The following SPHK1 variants were observed in gnomAD, a reference collection of about 807,000 sequenced individuals.
SPHK1 encodes the protein sphingosine kinase 1, also known as SK 1.
In SPHK1, 10 loss-of-function variants were observed where a neutral mutation model predicts 14.6. The ratio of observed to expected loss-of-function variants is 0.68; its 90% CI spans 0.42 to 1.16. The LOEUF (loss-of-function observed/expected upper bound fraction) is 1.16. Ranked by LOEUF, SPHK1 falls within the 50% of genes most tolerant of loss-of-function variation. The pLI, the probability that SPHK1 is intolerant of heterozygous loss-of-function variation, is 0.00. For synonymous variants in SPHK1, 274 were observed against 224.0 expected (o/e 1.22, Z -1.99); for missense variants, 553 against 525.4 (o/e 1.05, Z -0.51).
chr17:76,386,638 C>A lies in SPHK1; in HGVS notation c.374+130C>A. 8.7e-7 allele frequency: 1 copy of A among 1,150,394 alleles called. No individual in the cohort carries two copies. Among genetic ancestry groups the A allele is most frequent in the Non-Finnish European group, 1.2e-6 (1 of 823,866 alleles). 71.3% of individuals were successfully genotyped at this position (1,150,394 alleles called of 1,614,324 possible). A position where few individuals can be genotyped will look rare whatever the true frequency, so the allele number is the denominator to read the frequency against. On this transcript the variant is annotated intron_variant, in intron 5 of 5. Transcript: ENST00000592299. This position sits in a 1 kb window ranked among gnomAD's most constrained non-coding sequence, Gnocchi z 5.3. The stretch of plus-strand genomic sequence containing the variant: ...TTCTCCCTTAGTCCTGGGGCCCTCT[C>A]CTGGTGACCCCAGCTGACTGCTTCC...
upstream of SPHK1, chr17:76,384,274 A>G (rs1284708438): frequency 1.3e-5 from 2 of 151,748 alleles, no homozygotes; most frequent in African/African-American, 4.8e-5. Flanking sequence ...GTTCGCGCGG[A>G]GCCCGCGCCT....
rs763561434 is a variant in SPHK1, at chr17:76,386,324, C to A, written c.258+9C>A. On this transcript the variant is annotated intron_variant, in intron 4 of 5. Coordinates refer to ENST00000592299, the MANE Select transcript of SPHK1 (RefSeq NM_001142601.2). The surrounding 1 kb of genome is among the most constrained non-coding windows in gnomAD (Gnocchi z 5.3). ...ACGGGCTGATGCACGAGGTGAGGAC[C>A]GCACTGCGCGGCTAGGCCTGGGGCT... 3.1e-6 allele frequency: 5 copies of A among 1,605,472 alleles called. No individual in the cohort carries two copies. Among genetic ancestry groups the A allele is most frequent in the South Asian group, 1.1e-5 (1 of 90,856 alleles).
chr17:76,387,153 T>G lies in SPHK1; in HGVS notation c.722T>G (p.Leu241Arg), dbSNP rs1598570788. The change falls in exon 6 of 6, where the codon CTG becomes CGG. Residue 241 changes from leucine (L) to arginine (R), a missense_variant. Leu to Arg is a moderately radical substitution (Grantham distance 102, BLOSUM62 -2). Transcript: ENST00000592299. The surrounding 1 kb of genome is among the most constrained non-coding windows in gnomAD (Gnocchi z 4.1). ...QGPVDAHLVP[L>R]EEPVPSHWTV... ...CCGGTAGATGCACACCTTGTGCCAC[T>G]GGAGGAGCCAGTGCCCTCTCACTGG... The G allele has an allele frequency of 6.2e-7, 1 of 1,613,184 alleles. No homozygotes were observed. Among genetic ancestry groups the G allele is most frequent in the Non-Finnish European group, 8.5e-7 (1 of 1,180,006 alleles).
rs1567823465 is a variant in SPHK1 at position 76,386,495 on chromosome 17, A to G, written c.361A>G (p.Asn121Asp). 20 of 1,612,206 alleles carry G rather than the reference A, an allele frequency of 1.2e-5. No individual in the cohort carries two copies. In the East Asian group the frequency reaches 4.5e-4, roughly 36 times the overall value. The change falls in exon 5 of 6, where the codon AAC (asparagine) becomes GAC (aspartate). Residue 121 changes from asparagine (N) to aspartate (D), a missense_variant. By Grantham distance (23) the Asn-to-Asp change is conservative. Coordinates refer to ENST00000592299, the MANE Select transcript of SPHK1 (RefSeq NM_001142601.2). This position sits in a 1 kb window ranked among gnomAD's most constrained non-coding sequence, Gnocchi z 5.3. The stretch of plus-strand genomic sequence containing the variant: ...TGGCAACGCGCTGGCAGCTTCCTTG[A>G]ACCATTATGCTGGGTGAGAGCCCAG... ...GSGNALAASL[N>D]HYAGYEQVTN... is the part of the protein sequence containing the mutation.
Position 76,385,991 on chromosome 17 carries a change from G to C in SPHK1, c.17G>C (p.Gly6Ala). MDPAGGPRGVLPRPCR... is the reference protein window; with the variant it reads MDPAGAPRGVLPRPCR... ...TTTGGTTTTGTTTTCTCAGCGGGCG[G>C]CCCCCGGGGCGTGCTCCCGCGGCCC... Residue 6 changes from glycine (G) to alanine (A), a missense_variant, in exon 3 of 6, where the codon GGC (glycine) becomes GCC (alanine). Physicochemically the swap from Gly to Ala is moderately conservative, Grantham distance 60. Transcript: ENST00000592299. The surrounding 1 kb of genome is among the most constrained non-coding windows in gnomAD (Gnocchi z 5.3). 1 of 1,598,152 alleles carries C rather than the reference G, an allele frequency of 6.3e-7. No individual in the cohort carries two copies. The highest frequency in any genetic ancestry group is 8.5e-7 in the Non-Finnish European group (1 of 1,171,502).
rs145016605 is a variant in SPHK1, at chr17:76,386,856, T to C, written c.425T>C (p.Leu142Pro). ...CTCCTGACCAACTGCACGCTATTGC[T>C]GTGCCGCCGGCTGCTGTCACCCATG... ...EDLLTNCTLL[L>P]CRRLLSPMNL... The change falls in exon 6 of 6, where the codon CTG (leucine) becomes CCG (proline). Residue 142 changes from leucine to proline, a missense_variant. By Grantham distance (98) the Leu-to-Pro change is moderately conservative (BLOSUM62 -3). Coordinates refer to ENST00000592299, the MANE Select transcript of SPHK1 (RefSeq NM_001142601.2). This position sits in a 1 kb window ranked among gnomAD's most constrained non-coding sequence, Gnocchi z 5.3. 8 of 1,595,738 alleles carry C rather than the reference T, an allele frequency of 5.0e-6. No individual in the cohort carries two copies. The highest frequency in any genetic ancestry group is 6.8e-6 in the Non-Finnish European group (8 of 1,169,614).
In SPHK1 at chr17:76,387,431, G is replaced by A; in HGVS notation, c.1000G>A (p.Gly334Arg). 7 of 1,613,858 alleles carry A rather than the reference G, an allele frequency of 4.3e-6. No homozygotes were observed. Among genetic ancestry groups the A allele is most frequent in the Admixed American group, 1.7e-5 (1 of 59,996 alleles). Reference protein sequence around the residue: ...VVAFRLEPKDGKGVFAVDGEL... With the variant: ...VVAFRLEPKDRKGVFAVDGEL... The stretch of plus-strand genomic sequence containing the variant: ...CGCCTTCCGCTTGGAGCCCAAGGAT[G>A]GGAAAGGTGTGTTTGCAGTGGATGG... The change falls in exon 6 of 6, where the codon GGG (glycine) becomes AGG (arginine). Residue 334 changes from glycine (G) to arginine (R), a missense_variant. Coordinates refer to ENST00000592299, the MANE Select transcript of SPHK1 (RefSeq NM_001142601.2). This position sits in a 1 kb window ranked among gnomAD's most constrained non-coding sequence, Gnocchi z 4.1.
At chr17:76,383,374 A>T (rs547739734), upstream of SPHK1, 10 of 154,678 alleles carry the variant, frequency 6.5e-5, no homozygotes, top group South Asian at 1.7e-3. Context: ...CGCCCGTCTG[A>T]CCCCCCAAGT....
In SPHK1 at chr17:76,386,955, C is replaced by G; in HGVS notation, c.524C>G (p.Ala175Gly). The G allele has an allele frequency of 6.2e-7, 1 of 1,613,462 alleles. No homozygotes were observed. Among genetic ancestry groups the G allele is most frequent in the Non-Finnish European group, 8.5e-7 (1 of 1,179,810 alleles). ...CTCAGCCTGGCCTGGGGCTTCATTG[C>G]TGATGTGGACCTAGAGAGTGAGAAG... ...SVLSLAWGFIADVDLESEKYR... is the reference protein window; with the variant it reads ...SVLSLAWGFIGDVDLESEKYR... The change falls in exon 6 of 6, where the codon GCT (alanine) becomes GGT (glycine). Residue 175 changes from alanine (A) to glycine (G), a missense_variant. Coordinates refer to ENST00000592299, the MANE Select transcript of SPHK1 (RefSeq NM_001142601.2). This position sits in a 1 kb window ranked among gnomAD's most constrained non-coding sequence, Gnocchi z 5.3.
rs1013758187 is a variant in SPHK1 at position 76,385,048 on chromosome 17, G to T, written c.-195+242G>T. ...CACCGCTCTGGAGCTCCGGGCAGGG[G>T]ACACGGCAACCTGGATGGCTGGGGC... is the stretch of plus-strand genomic sequence containing the variant. On this transcript the variant is annotated intron_variant, in intron 1 of 5. Transcript: ENST00000592299. The surrounding 1 kb of genome is among the most constrained non-coding windows in gnomAD (Gnocchi z 5.3). 1.4e-5 allele frequency: 22 copies of T among 1,534,388 alleles called. No homozygotes were observed. In the Admixed American group the frequency reaches 3.6e-4, roughly 25 times the overall value.
At chr17:76,383,889 T>C (rs1021791700), upstream of SPHK1, 1 of 1,262,220 alleles carries the variant, frequency 7.9e-7, no homozygotes, top group Non-Finnish European at 1.0e-6. Context: ...CCCAGGCCCA[T>C]CTACACTGTC....
rs767306035 is a variant in SPHK1 at position 76,385,528 on chromosome 17, C to T, written c.-117C>T. The T allele has an allele frequency of 9.7e-6, 15 of 1,540,308 alleles. No homozygotes were observed. In the East Asian group the frequency reaches 1.4e-4, roughly 15 times the overall value. Reference sequence around the variant, plus strand: ...CGGGGAAGGCGAGCCCCACAGCCGGCCCTGCGACGCCCGCCTGGGCAGCAC... The same window carrying T: ...CGGGGAAGGCGAGCCCCACAGCCGGTCCTGCGACGCCCGCCTGGGCAGCAC... On this transcript the variant is annotated 5_prime_UTR_variant, in exon 2 of 6. Transcript: ENST00000592299. The surrounding 1 kb of genome is among the most constrained non-coding windows in gnomAD (Gnocchi z 5.3).
chr17:76,384,920 G>A, intron 1 of SPHK1, 114 bp downstream of exon 1: 2 of 566,268 alleles, frequency 3.5e-6, no homozygotes, highest in Non-Finnish European at 5.8e-6. Context: ...GGCAGCTGGT[G>A]GCCCGGTTCG....
chr17:76,387,348 TGGA>T lies in SPHK1; in HGVS notation c.919_921del (p.Glu307del), dbSNP rs1020091445. ...ATGCTGCTGCGCCTCTTCCTGGCCA[TGGA>T]GAAGGGCAGGCATATGGAGTATGAA... On this transcript the variant is annotated inframe_deletion, in exon 6 of 6. Coordinates refer to ENST00000592299, the MANE Select transcript of SPHK1 (RefSeq NM_001142601.2). This position sits in a 1 kb window ranked among gnomAD's most constrained non-coding sequence, Gnocchi z 4.1. 3 of 1,613,598 alleles carry T rather than the reference TGGA, an allele frequency of 1.9e-6. No homozygotes were observed. Among genetic ancestry groups the T allele is most frequent in the Non-Finnish European group, 2.5e-6 (3 of 1,179,994 alleles).
chr17:76,386,312 CG>C lies in SPHK1; in HGVS notation c.256del (p.Glu86ArgfsTer3). 1 of 1,605,452 alleles carries C rather than the reference CG, an allele frequency of 6.2e-7. No homozygotes were observed. Among genetic ancestry groups the C allele is most frequent in the Non-Finnish European group, 8.5e-7 (1 of 1,179,136 alleles). ...VVMSGDGLMH[E>X]VVNGLMERPD... is the part of the protein sequence containing the mutation. ...TCATGTCTGGAGACGGGCTGATGCA[CG>C]AGGTGAGGACCGCACTGCGCGGCTA... On this transcript the variant is annotated frameshift_variant and splice_region_variant, in exon 4 of 6. Coordinates refer to ENST00000592299, the MANE Select transcript of SPHK1 (RefSeq NM_001142601.2). LOFTEE classifies it high-confidence loss of function. The surrounding 1 kb of genome is among the most constrained non-coding windows in gnomAD (Gnocchi z 5.3).
chr17:76,385,716 G>A lies in SPHK1; in HGVS notation c.10+62G>A, dbSNP rs75167000. On this transcript the variant is annotated intron_variant, in intron 2 of 5. Coordinates refer to ENST00000592299, the MANE Select transcript of SPHK1 (RefSeq NM_001142601.2). The surrounding 1 kb of genome is among the most constrained non-coding windows in gnomAD (Gnocchi z 5.3). The stretch of plus-strand genomic sequence containing the variant: ...ATTCCTGTTCCTCGCCAGGAATGAT[G>A]GAACGCCCAGCTGGACGAAAGGGGC... 2.1e-3 allele frequency: 3,175 copies of A among 1,483,766 alleles called. 56 individuals are homozygous for A. In the African/African-American group the frequency reaches 0.037, roughly 17 times the overall value. The allele number at this position is 1,483,766 out of a possible 1,614,324, so 91.9% of individuals were successfully genotyped here.
chr17:76,386,458 C>G lies in SPHK1; in HGVS notation c.324C>G (p.Leu108=). The G allele has an allele frequency of 1.2e-6, 2 of 1,613,066 alleles. No homozygotes were observed. The highest frequency in any genetic ancestry group is 1.7e-6 in the Non-Finnish European group (2 of 1,179,974). The stretch of plus-strand genomic sequence containing the variant: ...CCATCCAGAAGCCCCTGTGTAGCCT[C>G]CCAGCAGGCTCTGGCAACGCGCTGG... ...ETAIQKPLCS[L]PAGSGNALAA... Residue 108 remains leucine, a synonymous_variant, in exon 5 of 6, where the codon CTC becomes CTG. Transcript: ENST00000592299. The surrounding 1 kb of genome is among the most constrained non-coding windows in gnomAD (Gnocchi z 5.3).
At position 76,385,589 on chromosome 17, in the gene SPHK1, G is replaced by T; in HGVS notation, c.-56G>T. 6.5e-7 allele frequency: 1 copy of T among 1,539,910 alleles called. No individual in the cohort carries two copies. Among genetic ancestry groups the T allele is most frequent in the Non-Finnish European group, 8.7e-7 (1 of 1,148,790 alleles). On this transcript the variant is annotated 5_prime_UTR_variant, in exon 2 of 6. Coordinates refer to ENST00000592299, the MANE Select transcript of SPHK1 (RefSeq NM_001142601.2). This position sits in a 1 kb window ranked among gnomAD's most constrained non-coding sequence, Gnocchi z 5.3. ...CTGAAGGCAGGAGCCGCCGCCACGG[G>T]CAGCGCCCCCACAGCGCCAGGGACC...
chr17:76,383,972 G>T, upstream of SPHK1: 1 of 885,662 alleles, frequency 1.1e-6, no homozygotes, highest in Non-Finnish European at 1.4e-6. Flanking sequence ...GGCGGCCTCA[G>T]GCTCGGTAGC....
Sources: allele counts gnomAD v4.1 joint callset, GRCh38; gene constraint gnomAD v4.1.1; non-coding constraint Gnocchi (gnomAD v3.1); transcripts MANE v1.5; gene names NCBI Gene and HGNC (gene_info 2026-07-23, HGNC 2026-07-21).